Variants in GPR39 observed in about 807,000 individuals in gnomAD.
GPR39 encodes the protein zinc sensing receptor.
GPR39 carries 23 observed loss-of-function variants against 18.4 expected under a neutral mutation model. The observed-to-expected ratio is 1.25, with a 90% confidence interval of 0.90 to 1.77. The LOEUF (loss-of-function observed/expected upper bound fraction) is 1.77. Among genes scored for constraint, GPR39 ranks in the 40% most tolerant of loss-of-function variants. GPR39 has a pLI of 0.00. For synonymous variants in GPR39, 280 were observed against 257.9 expected, an observed-to-expected ratio of 1.09 and a Z score of -0.82; for missense variants, 647 against 602.4, an observed-to-expected ratio of 1.07 and a Z score of -0.78.
chr2:132,585,283 T>C (rs1221758885), intron 1 of GPR39, among the ~76,000 whole-genome samples: 1 of 152,026 alleles, frequency 6.6e-6, no homozygotes, highest in Non-Finnish European at 1.5e-5. Context: ...GCTAGGGTCA[T>C]AGGAGTCCCT....
intron 1 of GPR39, among the ~76,000 whole-genome samples, chr2:132,572,325 T>C (rs955848852): frequency 2.6e-5 from 4 of 152,044 alleles, no homozygotes; most frequent in Non-Finnish European, 4.4e-5. Flanking sequence ...CCCCTAGTAA[T>C]CATGAGTCCC....
intron 1 of GPR39, among the ~76,000 whole-genome samples, chr2:132,584,497 C>T (rs1376708724): frequency 6.6e-6 from 1 of 152,004 alleles, no homozygotes; most frequent in Non-Finnish European, 1.5e-5. Flanking sequence ...TGGAGAGGTA[C>T]CCAGAGGGCA....
chr2:132,492,343 T>C (rs1013972580), intron 1 of GPR39, among the ~76,000 whole-genome samples: 2 of 144,108 alleles, frequency 1.4e-5, no homozygotes, highest in African/African-American at 5.1e-5. Context: ...ATATACCATA[T>C]ATATACATAC....
At chr2:132,606,693 C>A (rs113527802) in intron 1 of GPR39, among the ~76,000 whole-genome samples, 28 of 152,280 alleles carry the variant, frequency 1.8e-4, no homozygotes, top group Middle Eastern at 3.4e-3. Flanking sequence ...TCTTGCCCAG[C>A]GTGCCGAAAA....
chr2:132,537,420 T>C (rs1679777191), intron 1 of GPR39, among the ~76,000 whole-genome samples: 1 of 152,174 alleles, frequency 6.6e-6, no homozygotes. Context: ...GCTTGTAGGA[T>C]TTCTGCTGAG....
chr2:132,632,180 G>T (rs1238217902), intron 1 of GPR39, among the ~76,000 whole-genome samples: 1 of 152,084 alleles, frequency 6.6e-6, no homozygotes, highest in African/African-American at 2.4e-5. Flanking sequence ...CAGTGGGGGT[G>T]GGGTGGAAGT....
At chr2:132,444,279 A>G (rs1252496300) in intron 1 of GPR39, among the ~76,000 whole-genome samples, 1 of 151,840 alleles carries the variant, frequency 6.6e-6, no homozygotes, top group Non-Finnish European at 1.5e-5. Flanking sequence ...ATAAATTACT[A>G]GTCTATGGCA....
intron 1 of GPR39, among the ~76,000 whole-genome samples, chr2:132,617,096 A>G (rs1470665398): frequency 6.6e-6 from 1 of 152,246 alleles, no homozygotes; most frequent in East Asian, 1.9e-4. Context: ...TCCAGTGCAC[A>G]CAGAATTGTC....
chr2:132,625,584 G>C (rs12185667), intron 1 of GPR39, among the ~76,000 whole-genome samples: 3 of 152,022 alleles, frequency 2.0e-5, no homozygotes, highest in Admixed American at 6.6e-5. Context: ...AGAACAGAAG[G>C]GGGGGAAATG....
intron 1 of GPR39, among the ~76,000 whole-genome samples, chr2:132,426,092 C>A (rs1428134954): frequency 6.6e-6 from 1 of 152,180 alleles, no homozygotes; most frequent in Non-Finnish European, 1.5e-5. Flanking sequence ...ACATGGCCTA[C>A]CTTAGTTATA....
intron 1 of GPR39, among the ~76,000 whole-genome samples, chr2:132,466,562 T>G (rs1680930698): frequency 6.6e-6 from 1 of 152,196 alleles, no homozygotes; most frequent in Non-Finnish European, 1.5e-5. Context: ...GCTTCTGGGC[T>G]GCTCCTCTCC....
rs77151217 is a variant in GPR39 at position 132,624,075 on chromosome 2, G to A, written c.857-21026G>A. Among the ~76,000 whole-genome samples, 56 of 152,326 alleles carry A rather than the reference G, an allele frequency of 3.7e-4. 1 individual carries two copies. The East Asian group carries it at 9.7e-3, about 26-fold the overall frequency. On this transcript the variant is annotated intron_variant, in intron 1 of 1. Transcript: ENST00000329321. ...CTAGGGGCTACCATGATAAAATAAC[G>A]TGGGTTCGGTGGCATAAACAACAGA...
intron 1 of GPR39, among the ~76,000 whole-genome samples, chr2:132,641,256 C>A (rs987727692): frequency 6.6e-6 from 1 of 152,162 alleles, no homozygotes; most frequent in Non-Finnish European, 1.5e-5. Flanking sequence ...GGAAGGCTTT[C>A]TAGGAAAAGA....
chr2:132,577,505 G>A (rs1680550495), intron 1 of GPR39, among the ~76,000 whole-genome samples: 1 of 151,972 alleles, frequency 6.6e-6, no homozygotes, highest in Non-Finnish European at 1.5e-5. Context: ...GTACTATATT[G>A]AGTCTTATAA....
chr2:132,623,350 G>T (rs17324410), intron 1 of GPR39, among the ~76,000 whole-genome samples: 22,977 of 152,052 alleles, frequency 0.15, 1,800 homozygotes, highest in Non-Finnish European at 0.16. Context: ...TCCTGATACC[G>T]TTGAAGGAAG....
chr2:132,539,604 A>T (rs928475044), intron 1 of GPR39, among the ~76,000 whole-genome samples: 1 of 152,192 alleles, frequency 6.6e-6, no homozygotes, highest in Non-Finnish European at 1.5e-5. Flanking sequence ...TATCCCAAGT[A>T]GTAGCTTCAA....
intron 1 of GPR39, among the ~76,000 whole-genome samples, chr2:132,484,842 C>T (rs935438242): frequency 1.1e-4 from 16 of 152,170 alleles, no homozygotes; most frequent in African/African-American, 2.2e-4. Flanking sequence ...GATAGAAAAT[C>T]GAGTATTAAG....
At chr2:132,546,619 A>C (rs1679953367) in intron 1 of GPR39, among the ~76,000 whole-genome samples, 1 of 151,914 alleles carries the variant, frequency 6.6e-6, no homozygotes, top group Admixed American at 6.6e-5. Context: ...TTCCAACCAA[A>C]ATTACTTTCT....
intron 1 of GPR39, among the ~76,000 whole-genome samples, chr2:132,455,901 A>C (rs531046842): frequency 8.0e-4 from 122 of 152,270 alleles, no homozygotes; most frequent in African/African-American, 2.8e-3. Context: ...ACTTACAATT[A>C]TGTTGTCAGT....
Sources: gnomAD v4.1 joint callset for allele counts (sites outside exome capture counted in the v4.1 genomes callset) on GRCh38, gnomAD v4.1.1 for gene constraint, MANE v1.5 for transcripts, NCBI Gene and HGNC (gene_info 2026-07-23, HGNC 2026-07-21) for gene names.